Variants in TONSL observed in about 807,000 individuals in gnomAD.
The protein encoded by TONSL is tonsoku like, DNA repair protein.
TONSL carries 112 observed loss-of-function variants against 147.1 expected under a neutral mutation model. That is an observed-to-expected ratio of 0.76 (90% CI 0.65 to 0.89). The LOEUF (loss-of-function observed/expected upper bound fraction) is 0.89, where lower values mean the gene tolerates loss of function less well. Ranked by LOEUF, TONSL falls within the 40% of genes least tolerant of loss-of-function variation. The probability of loss-of-function intolerance (pLI) is 0.00; values close to 1 mark genes in which losing one functional copy is unlikely to be tolerated. For synonymous variants in TONSL, 868 were observed against 801.5 expected (o/e 1.08, Z -1.40); for missense variants, 1,883 against 1,864.6 (o/e 1.01, Z -0.18).
chr8:144,443,068 C>CGG, intron 4 of TONSL, 70 bp downstream of exon 4: 1 of 1,495,208 alleles, frequency 6.7e-7, no homozygotes, highest in Non-Finnish European at 9.0e-7. Flanking sequence ...AAGGAGGCTG[C>CGG]GGGGGTGCTG....
chr8:144,442,577 A>G, intron 5 of TONSL, 100 bp downstream of exon 5: 1 of 1,524,172 alleles, frequency 6.6e-7, no homozygotes. Flanking sequence ...AGGCCCAGCC[A>G]GACTGCTCTC....
chr8:144,440,155 G>C lies in TONSL; in HGVS notation c.1346C>G (p.Ala449Gly). 6.2e-7 allele frequency: 1 copy of C among 1,611,092 alleles called. No homozygotes were observed. Among genetic ancestry groups the C allele is most frequent in the Non-Finnish European group, 8.5e-7 (1 of 1,179,382 alleles). The change falls in exon 11 of 26, where the codon GCC becomes GGC. Residue 449 changes from alanine to glycine, a missense_variant. Physicochemically the swap from Ala to Gly is moderately conservative, Grantham distance 60. Coordinates refer to ENST00000409379, the MANE Select transcript of TONSL (RefSeq NM_013432.5). ...TVQLRLQPQE[A>G]PETETRLREL... ...CCGTAGTCTGGTTTCGGTCTCAGGG[G>C]CCTCCTGGGGCTGCAGCCTCAGCTG...
At position 144,442,939 on chromosome 8, in the gene TONSL, G is replaced by A. The variant is rs865857366; in HGVS notation, c.449-133C>T. 46 of 1,315,588 alleles carry A rather than the reference G, an allele frequency of 3.5e-5. 2 individuals are homozygous for A. In the South Asian group the frequency reaches 5.7e-4, roughly 16 times the overall value. The allele number at this position is 1,315,588 out of a possible 1,614,324, so 81.5% of individuals were successfully genotyped here. A position where few individuals can be genotyped will look rare whatever the true frequency, so the allele number is the denominator to read the frequency against. ...CCCGAGGTGGGTGCAAGTGTCCTGC[G>A]GCAGATGGAGCACAGAGTGGATAAA... is the stretch of plus-strand genomic sequence containing the variant. On this transcript the variant is annotated intron_variant, in intron 4 of 25. Transcript: ENST00000409379.
At position 144,436,148 on chromosome 8, in the gene TONSL, C is replaced by A; in HGVS notation, c.2285G>T (p.Cys762Phe). The A allele has an allele frequency of 6.4e-7, 1 of 1,567,896 alleles. No homozygotes were observed. Among genetic ancestry groups the A allele is most frequent in the Non-Finnish European group, 8.6e-7 (1 of 1,163,510 alleles). The change falls in exon 17 of 26, where the codon TGC (cysteine) becomes TTC (phenylalanine). Residue 762 changes from cysteine (C) to phenylalanine (F), a missense_variant. Transcript: ENST00000409379. ...TGCCACCCGTTGTGCTGTGGCCGAGCACCGAGGCCTCTTCTGGGACGGCCG... is the reference window on the plus strand; with the variant it reads ...TGCCACCCGTTGTGCTGTGGCCGAGAACCGAGGCCTCTTCTGGGACGGCCG... ...PARPSQKRPR[C>F]SATAQRVAAW...
chr8:144,441,351 G>C (rs999189446), intron 7 of TONSL: 2 of 516,322 alleles, frequency 3.9e-6, no homozygotes, highest in Non-Finnish European at 6.8e-6. Flanking sequence ...CTAGGACTTT[G>C]GGAGGCCGAG....
In TONSL at chr8:144,430,749, C is replaced by T. The variant is rs146984350; in HGVS notation, c.3810-212G>A. Among the ~76,000 whole-genome samples the T allele has an allele frequency of 3.1e-3, 469 of 152,326 alleles. 3 individuals are homozygous for T. Among genetic ancestry groups the T allele is most frequent in the Non-Finnish European group, 4.5e-3 (309 of 68,016 alleles). The stretch of plus-strand genomic sequence containing the variant: ...AGTGGCCAGCTCTGGGTGTGCCTGG[C>T]CCAGCTTGGGCTCCTCTCAACACTC... On this transcript the variant is annotated intron_variant, in intron 24 of 25. Coordinates refer to ENST00000409379, the MANE Select transcript of TONSL (RefSeq NM_013432.5).
chr8:144,440,265 G>A, intron 10 of TONSL, 55 bp from the exon 11 acceptor site: 1 of 1,555,688 alleles, frequency 6.4e-7, no homozygotes, highest in Non-Finnish European at 8.7e-7. Context: ...CGCAGAGAAA[G>A]ATGGGGATGG....
intron 25 of TONSL, among the ~76,000 whole-genome samples, 182 bp from the exon 26 acceptor site, chr8:144,429,518 G>A (rs917960346): frequency 6.6e-6 from 1 of 152,232 alleles, no homozygotes; most frequent in African/African-American, 2.4e-5. Flanking sequence ...CATCTGCACA[G>A]CCAGCGGTCA....
intron 13 of TONSL, chr8:144,438,270 G>A (rs759287117): frequency 1.6e-5 from 10 of 607,706 alleles, no homozygotes; most frequent in East Asian, 2.8e-5. Context: ...TGGCATGATC[G>A]CGACTCCTGC....
rs117704083 is a variant in TONSL, at chr8:144,437,478, C to T, written c.1654-379G>A. On this transcript the variant is annotated intron_variant, in intron 13 of 25. Transcript: ENST00000409379. ...ACAGATGCATACCACACAGCAGGTA[C>T]CCCATTTTTTTTTTGAGACCAGCCA... Among the ~76,000 whole-genome samples the T allele has an allele frequency of 8.7e-3, 1,323 of 152,138 alleles. 12 individuals carry two copies. The highest frequency in any genetic ancestry group is 0.015 in the Non-Finnish European group (1,041 of 67,986).
chr8:144,444,365 AG>A, intron 1 of TONSL, 24 bp downstream of exon 1: 2 of 1,282,634 alleles, frequency 1.6e-6, no homozygotes, highest in Non-Finnish European at 2.0e-6. Context: ...GCGCCCCCGG[AG>A]GAAGGGGTCC....
At chr8:144,431,496 T>C (rs1823190056) in intron 23 of TONSL, among the ~76,000 whole-genome samples, 1 of 151,484 alleles carries the variant, frequency 6.6e-6, no homozygotes, top group Admixed American at 6.6e-5. Flanking sequence ...ACAAAAGCAT[T>C]CCCCCAGCTG....
At chr8:144,433,539 T>A (rs1467939763) in intron 22 of TONSL, 49 bp downstream of exon 22, 1 of 1,580,760 alleles carries the variant, frequency 6.3e-7, no homozygotes, top group African/African-American at 1.4e-5. Flanking sequence ...CTGGAAACCC[T>A]CAATGCCCCA....
At chr8:144,439,534 C>T (rs563602420) in intron 11 of TONSL, among the ~76,000 whole-genome samples, 13 of 152,310 alleles carry the variant, frequency 8.5e-5, no homozygotes, top group Non-Finnish European at 1.6e-4. Flanking sequence ...TCCCAGCTAC[C>T]CGCTAACCCC....
intron 22 of TONSL, 36 bp from the exon 23 acceptor site, chr8:144,432,496 C>G: frequency 6.6e-7 from 1 of 1,515,396 alleles, no homozygotes; most frequent in Non-Finnish European, 8.8e-7. Context: ...CCCCACGTGG[C>G]CACAGCCCTG....
In TONSL at chr8:144,440,397, T is replaced by C; in HGVS notation, c.1244A>G (p.Gln415Arg). 6.2e-7 allele frequency: 1 copy of C among 1,608,016 alleles called. No individual in the cohort carries two copies. Among genetic ancestry groups the C allele is most frequent in the Non-Finnish European group, 8.5e-7 (1 of 1,176,696 alleles). The change falls in exon 10 of 26, where the codon CAG becomes CGG. Residue 415 changes from glutamine to arginine, a missense_variant. Coordinates refer to ENST00000409379, the MANE Select transcript of TONSL (RefSeq NM_013432.5). Reference protein sequence around the residue: ...DAYELLAPCFQKALSCAQQAQ... With the variant: ...DAYELLAPCFRKALSCAQQAQ... ...CTGCTGGGCACAGCTGAGCGCTTTC[T>C]GGAAGCACGGGGCCAGCAGCTCGTA...
intron 13 of TONSL, 123 bp downstream of exon 13, chr8:144,438,348 G>A (rs1823557358): frequency 1.1e-6 from 1 of 940,118 alleles, no homozygotes; most frequent in African/African-American, 1.6e-5. Flanking sequence ...GTGCCACCAT[G>A]CTTGCTAAGG....
At chr8:144,434,983 G>T (rs374685121) in intron 19 of TONSL, 34 bp downstream of exon 19, 74 of 1,611,496 alleles carry the variant, frequency 4.6e-5, no homozygotes, top group Non-Finnish European at 5.9e-5. Context: ...CCCGGTGCCT[G>T]AGGCCCTGGC....
rs568379371 is a variant in TONSL at position 144,436,436 on chromosome 8, C to A, written c.2015-18G>T. 11 of 1,523,096 alleles carry A rather than the reference C, an allele frequency of 7.2e-6. No homozygotes were observed. In the East Asian group the frequency reaches 1.6e-4, roughly 22 times the overall value. 94.3% of individuals were successfully genotyped at this position (1,523,096 alleles called of 1,614,324 possible). On this transcript the variant is annotated intron_variant, in intron 16 of 25. Coordinates refer to ENST00000409379, the MANE Select transcript of TONSL (RefSeq NM_013432.5). ...GTGGGGATCTGTGGGAGAGAGAATG[C>A]GTGTTGAGGCAGGGGCCCGGCACCT...
Sources: gnomAD v4.1 joint callset for allele counts (sites outside exome capture counted in the v4.1 genomes callset) on GRCh38, gnomAD v4.1.1 for gene constraint, MANE v1.5 for transcripts, NCBI Gene and HGNC (gene_info 2026-07-23, HGNC 2026-07-21) for gene names.